Variants in FGF12 observed in about 807,000 individuals in gnomAD.
FGF12 encodes fibroblast growth factor 12B.
Under a neutral mutation model 23.6 loss-of-function variants are expected in FGF12, and 14 were observed. The observed-to-expected ratio is 0.59, with a 90% CI of 0.39 to 0.93. The LOEUF (loss-of-function observed/expected upper bound fraction) is 0.93, where lower values mean the gene tolerates loss of function less well. Ranked by LOEUF, FGF12 falls within the 40% of genes least tolerant of loss-of-function variation. FGF12 has a pLI of 0.00. For synonymous variants in FGF12, 62 were observed against 77.3 expected (o/e 0.80, Z 1.04); for missense variants, 175 against 217.8 (o/e 0.80, Z 1.24).
intron 2 of FGF12, among the ~76,000 whole-genome samples, chr3:192,608,236 G>C (rs1231371003): frequency 1.3e-5 from 2 of 152,070 alleles, no homozygotes; most frequent in African/African-American, 4.8e-5. Flanking sequence ...GCTTTTGACA[G>C]CACAGCAGAG....
At chr3:192,177,315 A>G (rs1241025647) in intron 4 of FGF12, among the ~76,000 whole-genome samples, 3 of 152,206 alleles carry the variant, frequency 2.0e-5, no homozygotes, top group Non-Finnish European at 1.5e-5. Flanking sequence ...GGCCTATAAA[A>G]TTATTTGAGA....
At chr3:192,277,139 T>C (rs1375247073) in intron 4 of FGF12, among the ~76,000 whole-genome samples, 2 of 152,234 alleles carry the variant, frequency 1.3e-5, no homozygotes, top group Non-Finnish European at 2.9e-5. Flanking sequence ...TCAGTGAACC[T>C]TAAGGCAGCA....
At chr3:192,367,462 G>A (rs1719034586) in intron 2 of FGF12, among the ~76,000 whole-genome samples, 1 of 152,146 alleles carries the variant, frequency 6.6e-6, no homozygotes, top group Non-Finnish European at 1.5e-5. Flanking sequence ...GTTAGAAAAT[G>A]TTCATAAGCA....
rs531045797 is a variant in FGF12 at position 192,457,594 on chromosome 3, C to T, written c.14-97056G>A. Among the ~76,000 whole-genome samples, 4 of 152,020 alleles carry T rather than the reference C, an allele frequency of 2.6e-5. No individual in the cohort carries two copies. In the South Asian group the frequency reaches 6.2e-4, roughly 24 times the overall value. On this transcript the variant is annotated intron_variant, in intron 2 of 5. Coordinates refer to ENST00000445105, the MANE Select transcript of FGF12 (RefSeq NM_004113.6). The stretch of plus-strand genomic sequence containing the variant: ...TGAGAGAGATGATTTAGGTATCTGG[C>T]GGAAGAAATTTTTAAACAGCAAAAG...
At chr3:192,340,853 C>G (rs531463841) in intron 3 of FGF12, among the ~76,000 whole-genome samples, 1 of 152,022 alleles carries the variant, frequency 6.6e-6, no homozygotes, top group African/African-American at 2.4e-5. Context: ...AACTGTAAAA[C>G]CCATAGGAAA....
At chr3:192,187,269 T>C (rs75524570) in intron 4 of FGF12, among the ~76,000 whole-genome samples, 13,009 of 152,258 alleles carry the variant, frequency 0.085, 682 homozygotes, top group South Asian at 0.24. Flanking sequence ...GTTTCTGACA[T>C]ATATAGTCTT....
At chr3:192,379,812 C>T (rs1404704865) in intron 2 of FGF12, among the ~76,000 whole-genome samples, 1 of 152,196 alleles carries the variant, frequency 6.6e-6, no homozygotes, top group East Asian at 1.9e-4. Flanking sequence ...AAGTCCCAGT[C>T]CCAGCTTTGC....
intron 4 of FGF12, among the ~76,000 whole-genome samples, chr3:192,289,505 G>A (rs146328695): frequency 1.7e-4 from 26 of 152,236 alleles, no homozygotes; most frequent in East Asian, 5.8e-4. Flanking sequence ...ATTCAAATGC[G>A]AAAATACAAT....
chr3:192,682,762 A>G (rs1233926478), intron 2 of FGF12, among the ~76,000 whole-genome samples: 4 of 152,196 alleles, frequency 2.6e-5, no homozygotes, highest in Non-Finnish European at 4.4e-5. Flanking sequence ...TCCTGCCAGA[A>G]AGACCAAACA....
At chr3:192,589,002 T>C (rs1713509580) in intron 2 of FGF12, among the ~76,000 whole-genome samples, 2 of 151,888 alleles carry the variant, frequency 1.3e-5, no homozygotes, top group Admixed American at 6.6e-5. Context: ...CGCTAGAAAC[T>C]GTATCAGCAT....
intron 4 of FGF12, among the ~76,000 whole-genome samples, chr3:192,311,189 A>G (rs1206733796): frequency 1.3e-5 from 2 of 152,190 alleles, no homozygotes; most frequent in Non-Finnish European, 2.9e-5. Flanking sequence ...AAAGTGTACA[A>G]CTAAATGGTA....
chr3:192,537,950 C>CTT lies in FGF12; in HGVS notation c.14-177414_14-177413dup, dbSNP rs370317111. On this transcript the variant is annotated intron_variant, in intron 2 of 5. Coordinates refer to ENST00000445105, the MANE Select transcript of FGF12 (RefSeq NM_004113.6). ...AAGGTCTTAGATTTAAGCCTTTAACCTTTTTTTTTTTTTGAGATGGAGTTT... is the reference window on the plus strand; with the variant it reads ...AAGGTCTTAGATTTAAGCCTTTAACCTTTTTTTTTTTTTTTGAGATGGAGTTT... 3.5e-4 allele frequency among the ~76,000 whole-genome samples: 42 copies of CTT among 121,388 alleles called. 4 individuals are homozygous for CTT. Among genetic ancestry groups the CTT allele is most frequent in the South Asian group, 1.7e-3 (6 of 3,484 alleles). The allele number at this position is 121,388 out of a possible 152,430, so 79.6% of individuals were successfully genotyped here.
intron 2 of FGF12, among the ~76,000 whole-genome samples, chr3:192,662,419 T>G (rs1577106565): frequency 6.6e-6 from 1 of 152,206 alleles, no homozygotes; most frequent in East Asian, 1.9e-4. Flanking sequence ...AATAACCATA[T>G]TAGCCATCTC....
chr3:192,351,337 A>C (rs934425771), intron 3 of FGF12, among the ~76,000 whole-genome samples: 1 of 152,192 alleles, frequency 6.6e-6, no homozygotes, highest in African/African-American at 2.4e-5. Flanking sequence ...GACTTAAATA[A>C]GTTCACTCAG....
chr3:192,584,810 T>C (rs866172926), intron 2 of FGF12, among the ~76,000 whole-genome samples: 1 of 152,090 alleles, frequency 6.6e-6, no homozygotes, highest in Non-Finnish European at 1.5e-5. Flanking sequence ...CAAGCTTCTC[T>C]TGGGCTTTTA....
intron 2 of FGF12, among the ~76,000 whole-genome samples, chr3:192,561,061 A>G (rs960592388): frequency 6.6e-6 from 1 of 152,200 alleles, no homozygotes; most frequent in Non-Finnish European, 1.5e-5. Context: ...GTCACATATT[A>G]CATGACTCCA....
chr3:192,149,152 C>T (rs546862366), intron 5 of FGF12, among the ~76,000 whole-genome samples: 2 of 152,170 alleles, frequency 1.3e-5, no homozygotes, highest in South Asian at 4.2e-4. Context: ...AGTTAACGTC[C>T]ATCCGACATG....
chr3:192,468,204 T>C (rs753854898), intron 2 of FGF12, among the ~76,000 whole-genome samples: 1 of 152,158 alleles, frequency 6.6e-6, no homozygotes, highest in Non-Finnish European at 1.5e-5. Flanking sequence ...TTCCTGTATA[T>C]CCTTAATCTA....
intron 2 of FGF12, among the ~76,000 whole-genome samples, chr3:192,685,286 C>T (rs970245556): frequency 1.3e-5 from 2 of 152,244 alleles, no homozygotes; most frequent in African/African-American, 2.4e-5. Context: ...CTCTTGACCT[C>T]GTGATCCGCC....
Sources: allele counts gnomAD v4.1 joint callset (sites outside exome capture counted in the v4.1 genomes callset), GRCh38; gene constraint gnomAD v4.1.1; transcripts MANE v1.5; gene names NCBI Gene and HGNC (gene_info 2026-07-23, HGNC 2026-07-21).